CLCN4: variants seen among roughly 807,000 people sequenced by gnomAD.
CLCN4 encodes the protein Cl-/H+ antiporter 4, also known as H(+)/Cl(-) exchange transporter 4.
A neutral mutation model predicts 41.7 loss-of-function variants in CLCN4; 1 was observed. The observed-to-expected ratio is 0.02, with a 90% CI of 0.01 to 0.11. The LOEUF is 0.11. CLCN4 is among the 10% of genes least tolerant of loss of function. The probability of loss-of-function intolerance (pLI) is 1.00; values close to 1 mark genes in which losing one functional copy is unlikely to be tolerated. For missense variants in CLCN4, 287 were observed against 661.0 expected (o/e 0.43, Z 6.20); for synonymous variants, 277 against 285.8 (o/e 0.97, Z 0.31).
intron 12 of CLCN4, among the ~76,000 whole-genome samples, chrX:10,226,064 C>T (rs1196273288): frequency 1.8e-5 from 2 of 111,393 alleles, no homozygotes; most frequent in African/African-American, 6.5e-5. Flanking sequence ...TATGGACTCT[C>T]CACCTCAAAA....
Position 10,214,011 on chromosome X carries a change from T to C in CLCN4, c.1907T>C (p.Val636Ala). The change falls in exon 11 of 13, where the codon GTG becomes GCG. Residue 636 changes from valine (V) to alanine (A), a missense_variant. Around this residue, in one of 6 missense-constraint regions of CLCN4, gnomAD observed 71 missense variants for 104.5 expected, o/e 0.68. Transcript: ENST00000380833. ...GAGACCGACTACAACGGCTTCCCCG[T>C]GGTGGTCTCCAGAGACTCCGAGCGC... ...IKETDYNGFPVVVSRDSERLI... is the reference protein window; with the variant it reads ...IKETDYNGFPAVVSRDSERLI... 2 of 1,208,740 alleles carry C rather than the reference T, an allele frequency of 1.7e-6. No homozygotes were observed. Among genetic ancestry groups the C allele is most frequent in the Non-Finnish European group, 2.2e-6 (2 of 893,985 alleles).
intron 4 of CLCN4, among the ~76,000 whole-genome samples, chrX:10,193,697 G>A (rs1286718448): frequency 8.9e-6 from 1 of 112,333 alleles, no homozygotes; most frequent in Admixed American, 9.4e-5. Context: ...CAGCTCTTCA[G>A]TTCTGCCACT....
At chrX:10,161,395 A>C (rs1923097553) in intron 2 of CLCN4, among the ~76,000 whole-genome samples, 1 of 111,876 alleles carries the variant, frequency 8.9e-6, no homozygotes, top group South Asian at 3.7e-4. Flanking sequence ...GGTGCTCTGT[A>C]TGAGCCATCT....
intron 4 of CLCN4, among the ~76,000 whole-genome samples, 187 bp from the exon 5 acceptor site, chrX:10,194,724 A>G (rs1257500823): frequency 4.5e-5 from 5 of 112,214 alleles, no homozygotes; most frequent in Admixed American, 9.4e-5. Context: ...CATAACATAA[A>G]TGTTCAAGTG....
At chrX:10,230,666 A>G (rs1306135161) in intron 12 of CLCN4, among the ~76,000 whole-genome samples, 2 of 111,861 alleles carry the variant, frequency 1.8e-5, no homozygotes, top group Non-Finnish European at 3.8e-5. Flanking sequence ...GAGTGCTAAC[A>G]TTTGTTTCCT....
chrX:10,171,208 A>G, intron 2 of CLCN4, among the ~76,000 whole-genome samples: 1 of 112,237 alleles, frequency 8.9e-6, no homozygotes, highest in Non-Finnish European at 1.9e-5. Context: ...AAATGAAGGG[A>G]AAGTTTTACT....
chrX:10,204,649 T>TTTTTTTTTTTTTTTTTTA (rs1924330123), intron 6 of CLCN4, among the ~76,000 whole-genome samples: 1 of 88,498 alleles, frequency 1.1e-5, no homozygotes, highest in Non-Finnish European at 2.1e-5. Context: ...TTTTTTTTTT[T>TTTTTTTTTTTTTTTTTTA]ACATACTACT....
At chrX:10,214,615 CCA>C (rs1924658813) in intron 11 of CLCN4, among the ~76,000 whole-genome samples, 1 of 112,807 alleles carries the variant, frequency 8.9e-6, no homozygotes, top group African/African-American at 3.2e-5. Flanking sequence ...ATGTCAGATT[CCA>C]CAGTTAGAGG....
In CLCN4 at chrX:10,237,415, G is replaced by A. The variant is rs901443540; in HGVS notation, c.*3831G>A. 1.8e-5 allele frequency: 2 copies of A among 111,804 alleles called. No homozygotes were observed. The highest frequency in any genetic ancestry group is 9.5e-5 in the Admixed American group (1 of 10,531). 9.2% of individuals were successfully genotyped at this position (111,804 alleles called of 1,213,427 possible). ...GTATATCTGACTTGGGAAACATTAA[G>A]CAGACCCTATTTTCACTGGCGCGGT... is the stretch of plus-strand genomic sequence containing the variant. On this transcript the variant is annotated 3_prime_UTR_variant, in exon 13 of 13. Coordinates refer to ENST00000380833, the MANE Select transcript of CLCN4 (RefSeq NM_001830.4).
At chrX:10,199,413 A>T (rs1924179040) in intron 6 of CLCN4, among the ~76,000 whole-genome samples, 1 of 112,608 alleles carries the variant, frequency 8.9e-6, no homozygotes, top group African/African-American at 3.2e-5. Flanking sequence ...CCTGCAAAGA[A>T]CTTGAAGTTT....
chrX:10,212,621 T>C lies in CLCN4; in HGVS notation c.1544T>C (p.Leu515Pro), dbSNP rs1924589563. 2 of 1,208,857 alleles carry C rather than the reference T, an allele frequency of 1.7e-6. No individual in the cohort carries two copies. Among genetic ancestry groups the C allele is most frequent in the Admixed American group, 4.4e-5 (2 of 45,754 alleles). ...GGTGCAGACTGTGTCACGCCAGGGCTGTACGCAATGGTGGGAGCTGCGGCC... is the reference window on the plus strand; with the variant it reads ...GGTGCAGACTGTGTCACGCCAGGGCCGTACGCAATGGTGGGAGCTGCGGCC... The part of the protein sequence containing the change: ...RPGADCVTPG[L>P]YAMVGAAACL... The change falls in exon 10 of 13, where the codon CTG becomes CCG. Residue 515 changes from leucine (L) to proline (P), a missense_variant. Coordinates refer to ENST00000380833, the MANE Select transcript of CLCN4 (RefSeq NM_001830.4).
At chrX:10,161,014 A>T (rs1175339366) in intron 2 of CLCN4, among the ~76,000 whole-genome samples, 2 of 109,942 alleles carry the variant, frequency 1.8e-5, no homozygotes, top group African/African-American at 6.6e-5. Context: ...ATGTGTGTGT[A>T]TGTGGTGGTG....
At chrX:10,202,923 G>C in intron 6 of CLCN4, among the ~76,000 whole-genome samples, 1 of 111,722 alleles carries the variant, frequency 9.0e-6, no homozygotes, top group Non-Finnish European at 1.9e-5. Flanking sequence ...TCACAAATCC[G>C]CTGCAGTACA....
At position 10,173,935 on chromosome X, in the gene CLCN4, G is replaced by T. The variant is rs146098922; in HGVS notation, c.-11-11087G>T. On this transcript the variant is annotated intron_variant, in intron 2 of 12. Transcript: ENST00000380833. ...CAACTTGCCACTGTGGTCATTTGGG[G>T]CTAGATCACTCTTCTCTGTGCGGGT... 8.3e-4 allele frequency among the ~76,000 whole-genome samples: 93 copies of T among 112,143 alleles called. No homozygotes were observed. In the Middle Eastern group the frequency reaches 0.014, roughly 17 times the overall value.
intron 12 of CLCN4, among the ~76,000 whole-genome samples, chrX:10,223,839 G>C (rs889129246): frequency 4.5e-5 from 5 of 112,094 alleles, no homozygotes; most frequent in African/African-American, 1.6e-4. Context: ...GTCCACAGGG[G>C]CCTGGACAGG....
chrX:10,208,022 A>G, intron 8 of CLCN4, 23 bp from the exon 9 acceptor site: 1 of 1,179,803 alleles, frequency 8.5e-7, no homozygotes, highest in Non-Finnish European at 1.1e-6. Flanking sequence ...GCCAGTCTTT[A>G]ATTTTCCACT....
At chrX:10,181,682 T>C (rs1438702823) in intron 2 of CLCN4, among the ~76,000 whole-genome samples, 2 of 112,013 alleles carry the variant, frequency 1.8e-5, no homozygotes, top group African/African-American at 6.5e-5. Flanking sequence ...TAGATCTTGA[T>C]CTAGGTGATT....
At chrX:10,220,322 C>T (rs768895796) in intron 11 of CLCN4, among the ~76,000 whole-genome samples, 10 of 111,997 alleles carry the variant, frequency 8.9e-5, no homozygotes, top group Admixed American at 5.7e-4. Context: ...GGTGAAGGAG[C>T]GTAAGGAAAG....
At chrX:10,207,644 A>G (rs1924431311) in intron 8 of CLCN4, among the ~76,000 whole-genome samples, 1 of 112,242 alleles carries the variant, frequency 8.9e-6, no homozygotes, top group South Asian at 3.7e-4. Context: ...TGTAAAAACC[A>G]TTCTTAACTC....
Sources: gnomAD v4.1 joint callset for allele counts (sites outside exome capture counted in the v4.1 genomes callset) on GRCh38, gnomAD v4.1.1 for gene constraint, gnomAD v4.1.1 regional missense constraint, MANE v1.5 for transcripts, NCBI Gene and HGNC (gene_info 2026-07-23, HGNC 2026-07-21) for gene names.